Variants in ASTN1 observed in about 807,000 individuals in gnomAD.
The protein encoded by ASTN1 is astrotactin-1.
ASTN1 carries 41 observed loss-of-function variants against 140.7 expected under a neutral mutation model. The observed-to-expected ratio is 0.29, with a 90% CI of 0.23 to 0.38. The LOEUF is 0.38. ASTN1 is among the 10% of genes least tolerant of loss of function. The probability of loss-of-function intolerance (pLI) is 1.00; values close to 1 mark genes in which losing one functional copy is unlikely to be tolerated. For missense variants in ASTN1, 1,479 were observed against 1,678.8 expected (o/e 0.88, Z 2.08); for synonymous variants, 640 against 652.2 (o/e 0.98, Z 0.29).
intron 8 of ASTN1, among the ~76,000 whole-genome samples, chr1:177,010,319 G>C (rs549667660): frequency 1.3e-5 from 2 of 152,250 alleles, no homozygotes; most frequent in East Asian, 3.9e-4. Flanking sequence ...ATTCATACAG[G>C]GGAGACAGAA....
rs189465182 is a variant in ASTN1, at chr1:176,952,762, C to A, written c.1888-3411G>T. The stretch of plus-strand genomic sequence containing the variant: ...AAATCCTGCCTCCAGGAGAAGCATG[C>A]ATTTTCTGTTTGCAAGGGCTGGATA... On this transcript the variant is annotated intron_variant, in intron 11 of 22. Coordinates refer to ENST00000361833, the MANE Select transcript of ASTN1 (RefSeq NM_004319.3). Among the ~76,000 whole-genome samples the A allele has an allele frequency of 2.6e-5, 4 of 152,296 alleles. No individual in the cohort carries two copies. The East Asian group carries it at 5.8e-4, about 22-fold the overall frequency.
intron 16 of ASTN1, among the ~76,000 whole-genome samples, chr1:176,922,556 CA>C (rs71129589): frequency 0.14 from 10,619 of 77,380 alleles, 341 homozygotes; most frequent in East Asian, 0.21. Flanking sequence ...GCCCCCACTG[CA>C]AAAAAAAAAA....
chr1:177,059,921 CAA>C (rs1678002210), intron 2 of ASTN1, among the ~76,000 whole-genome samples: 1 of 152,170 alleles, frequency 6.6e-6, no homozygotes, highest in Non-Finnish European at 1.5e-5. Flanking sequence ...AATAATCAGT[CAA>C]GTCTCAACCT....
chr1:176,903,635 C>T (rs549883947), intron 16 of ASTN1, among the ~76,000 whole-genome samples: 11 of 152,312 alleles, frequency 7.2e-5, no homozygotes, highest in African/African-American at 2.4e-4. Context: ...TTGCCTCCTA[C>T]ACTCCTCCTT....
chr1:177,138,314 C>T (rs1682294760), intron 1 of ASTN1, among the ~76,000 whole-genome samples: 1 of 152,184 alleles, frequency 6.6e-6, no homozygotes, highest in Middle Eastern at 3.2e-3. Context: ...GGACCATAGA[C>T]ATAAAAGGCC....
At chr1:176,889,016 T>A (rs1669154972) in intron 17 of ASTN1, among the ~76,000 whole-genome samples, 1 of 152,244 alleles carries the variant, frequency 6.6e-6, no homozygotes, top group Admixed American at 6.5e-5. Context: ...GCAATTATTA[T>A]TGCCTTTGAA....
intron 16 of ASTN1, among the ~76,000 whole-genome samples, chr1:176,902,670 T>C (rs1669819307): frequency 6.6e-6 from 1 of 152,188 alleles, no homozygotes; most frequent in African/African-American, 2.4e-5. Flanking sequence ...CAGTTCCATT[T>C]GGAATGAGAG....
chr1:177,008,687 C>T (rs907869299), intron 8 of ASTN1, among the ~76,000 whole-genome samples: 1 of 151,248 alleles, frequency 6.6e-6, no homozygotes, highest in Non-Finnish European at 1.5e-5. Flanking sequence ...AATGAATATG[C>T]TGGAAACCCT....
At chr1:176,881,751 C>A (rs1293861759) in intron 20 of ASTN1, among the ~76,000 whole-genome samples, 1 of 152,208 alleles carries the variant, frequency 6.6e-6, no homozygotes, top group East Asian at 1.9e-4. Flanking sequence ...ACTTTACTTT[C>A]ATCATGCATA....
intron 8 of ASTN1, among the ~76,000 whole-genome samples, chr1:176,978,027 C>A (rs1673440263): frequency 6.6e-6 from 1 of 152,156 alleles, no homozygotes; most frequent in Non-Finnish European, 1.5e-5. Context: ...AAGGCTCAGT[C>A]AGGAAGAGCT....
intron 14 of ASTN1, among the ~76,000 whole-genome samples, chr1:176,938,427 G>A (rs981103355): frequency 1.3e-5 from 2 of 152,178 alleles, no homozygotes; most frequent in South Asian, 2.1e-4. Context: ...ATTAGGCAAA[G>A]CCACCTTTAA....
At chr1:176,941,990 G>A (rs1209710735) in intron 14 of ASTN1, among the ~76,000 whole-genome samples, 1 of 152,160 alleles carries the variant, frequency 6.6e-6, no homozygotes, top group Non-Finnish European at 1.5e-5. Context: ...GTGTGCATGT[G>A]CGCGTGTGCA....
chr1:177,152,705 T>A (rs929037764), intron 1 of ASTN1, among the ~76,000 whole-genome samples: 1 of 152,176 alleles, frequency 6.6e-6, no homozygotes, highest in Non-Finnish European at 1.5e-5. Flanking sequence ...GTTATTCTTC[T>A]TCTTGTTACA....
intron 1 of ASTN1, among the ~76,000 whole-genome samples, chr1:177,132,900 G>T (rs577207373): frequency 2.6e-5 from 4 of 152,146 alleles, no homozygotes; most frequent in Non-Finnish European, 5.9e-5. Flanking sequence ...GAGTGAGAAG[G>T]GGGTAAAAAC....
intron 8 of ASTN1, among the ~76,000 whole-genome samples, chr1:176,966,933 A>C (rs1267807606): frequency 1.3e-5 from 2 of 152,086 alleles, no homozygotes; most frequent in African/African-American, 2.4e-5. Context: ...ATTATTTATA[A>C]ATTTTATTTA....
chr1:177,146,190 T>G (rs777624914), intron 1 of ASTN1, among the ~76,000 whole-genome samples: 19 of 152,324 alleles, frequency 1.2e-4, no homozygotes, highest in Non-Finnish European at 2.2e-4. Flanking sequence ...ACTGGCTTAA[T>G]AGAAGACAGA....
intron 14 of ASTN1, among the ~76,000 whole-genome samples, chr1:176,941,615 A>G (rs1490698940): frequency 6.6e-6 from 1 of 152,178 alleles, no homozygotes; most frequent in East Asian, 1.9e-4. Flanking sequence ...AGGGGAGTCA[A>G]CCACATGTTT....
chr1:177,103,083 A>G (rs527492589), intron 1 of ASTN1, among the ~76,000 whole-genome samples: 6 of 152,354 alleles, frequency 3.9e-5, no homozygotes, highest in Admixed American at 1.3e-4. Flanking sequence ...TAATGTCTAT[A>G]GAAAGTTTTG....
At chr1:177,071,191 AT>A (rs908224790) in intron 1 of ASTN1, among the ~76,000 whole-genome samples, 9 of 152,138 alleles carry the variant, frequency 5.9e-5, no homozygotes, top group African/African-American at 2.2e-4. Context: ...CACGTACACT[AT>A]TTATGCTTTA....
Sources: gnomAD v4.1 joint callset for allele counts (sites outside exome capture counted in the v4.1 genomes callset) on GRCh38, gnomAD v4.1.1 for gene constraint, MANE v1.5 for transcripts, NCBI Gene and HGNC (gene_info 2026-07-23, HGNC 2026-07-21) for gene names.